The following CPA4 variants were observed in gnomAD, a reference collection of about 807,000 sequenced individuals.
CPA4 encodes carboxypeptidase A3.
In CPA4, 49 loss-of-function variants were observed where a neutral mutation model predicts 54.7. That is an observed-to-expected ratio of 0.90 (90% CI 0.71 to 1.14). The LOEUF is 1.14. Among genes scored for constraint, CPA4 ranks in the 50% most tolerant of loss-of-function variants. CPA4 has a pLI of 0.00. For synonymous variants in CPA4, 215 were observed against 206.8 expected, an observed-to-expected ratio of 1.04 and a Z score of -0.34; for missense variants, 487 against 525.1, an observed-to-expected ratio of 0.93 and a Z score of 0.71.
intron 10 of CPA4, among the ~76,000 whole-genome samples, chr7:130,322,223 G>A (rs1794118889): frequency 6.6e-6 from 1 of 152,160 alleles, no homozygotes; most frequent in East Asian, 1.9e-4. Flanking sequence ...TTGGTTTTGA[G>A]GGACTTACAG....
chr7:130,311,723 G>T (rs1451101526), intron 9 of CPA4, among the ~76,000 whole-genome samples: 1 of 152,024 alleles, frequency 6.6e-6, no homozygotes, highest in African/African-American at 2.4e-5. Context: ...ATTCCTAGTG[G>T]GTCAGTGAGC....
chr7:130,312,224 T>C, intron 10 of CPA4, 102 bp downstream of exon 10: 1 of 817,904 alleles, frequency 1.2e-6, no homozygotes, highest in Non-Finnish European at 2.1e-6. Context: ...TGTCATCTGA[T>C]TGTTTTTGTT....
chr7:130,310,719 T>G lies in CPA4; in HGVS notation c.794-68T>G. Reference sequence around the variant, plus strand: ...CCAATACCTTCGGCCCCTCTCTAGGTGGAGCGTCTTGCATTTCTGTGTTCT... The same window carrying G: ...CCAATACCTTCGGCCCCTCTCTAGGGGGAGCGTCTTGCATTTCTGTGTTCT... On this transcript the variant is annotated intron_variant, in intron 8 of 10. Coordinates refer to ENST00000222482, the MANE Select transcript of CPA4 (RefSeq NM_016352.4). The surrounding 1 kb of genome is among the most constrained non-coding windows in gnomAD (Gnocchi z 4.3). 2.0e-6 allele frequency: 3 copies of G among 1,466,868 alleles called. No individual in the cohort carries two copies. Among genetic ancestry groups the G allele is most frequent in the Non-Finnish European group, 2.9e-6 (3 of 1,048,890 alleles). 90.9% of individuals were successfully genotyped at this position (1,466,868 alleles called of 1,614,324 possible).
intron 1 of CPA4, among the ~76,000 whole-genome samples, chr7:130,296,482 G>A (rs1350641978): frequency 1.3e-5 from 2 of 152,124 alleles, no homozygotes; most frequent in African/African-American, 2.4e-5. Context: ...AAACTAAAAC[G>A]CATGTGTTGG....
chr7:130,308,529 G>A (rs1793862321), intron 8 of CPA4, 132 bp downstream of exon 8: 2 of 703,106 alleles, frequency 2.8e-6, no homozygotes, highest in Non-Finnish European at 5.2e-6. Flanking sequence ...AGACTGAGGA[G>A]CACTCCTTAG....
At chr7:130,295,547 C>A (rs1562927132) in intron 1 of CPA4, among the ~76,000 whole-genome samples, 2 of 152,210 alleles carry the variant, frequency 1.3e-5, no homozygotes. Flanking sequence ...ATGTGCTCCA[C>A]CATCTTGAGC....
rs906824803 is a variant in CPA4, at chr7:130,310,716, A to G, written c.794-71A>G. On this transcript the variant is annotated intron_variant, in intron 8 of 10. Coordinates refer to ENST00000222482, the MANE Select transcript of CPA4 (RefSeq NM_016352.4). The surrounding 1 kb of genome is among the most constrained non-coding windows in gnomAD (Gnocchi z 4.3). ...TTCCCAATACCTTCGGCCCCTCTCT[A>G]GGTGGAGCGTCTTGCATTTCTGTGT... 1 of 1,435,310 alleles carries G rather than the reference A, an allele frequency of 7.0e-7. No homozygotes were observed. The highest frequency in any genetic ancestry group is 9.8e-7 in the Non-Finnish European group (1 of 1,022,476). The allele number at this position is 1,435,310 out of a possible 1,614,324, so 88.9% of individuals were successfully genotyped here.
intron 1 of CPA4, chr7:130,293,464 C>A: frequency 1.9e-6 from 1 of 527,520 alleles, no homozygotes. Context: ...AGTCTCTCCC[C>A]AGCTCCCTCA....
At position 130,304,603 on chromosome 7, in the gene CPA4, G is replaced by C. The variant is rs753604619; in HGVS notation, c.486+24G>C. 36 of 1,376,240 alleles carry C rather than the reference G, an allele frequency of 2.6e-5. No individual in the cohort carries two copies. The Middle Eastern group carries it at 1.1e-3, about 41-fold the overall frequency. 85.3% of individuals were successfully genotyped at this position (1,376,240 alleles called of 1,614,324 possible). A position where few individuals can be genotyped will look rare whatever the true frequency, so the allele number is the denominator to read the frequency against. ...AGGTGAGGCCACATGCACTTGGAAG[G>C]GTCTCCTGGGTCCTCATGCCCAGGA... On this transcript the variant is annotated intron_variant, in intron 5 of 10. Coordinates refer to ENST00000222482, the MANE Select transcript of CPA4 (RefSeq NM_016352.4).
At chr7:130,313,636 A>G (rs1793946359) in intron 10 of CPA4, among the ~76,000 whole-genome samples, 1 of 151,748 alleles carries the variant, frequency 6.6e-6, no homozygotes, top group South Asian at 2.1e-4. Flanking sequence ...CAATCCAAGT[A>G]TAGAGGTTAC....
At position 130,310,132 on chromosome 7, in the gene CPA4, A is replaced by G. The variant is rs1424807639; in HGVS notation, c.794-655A>G. ...AAATACCACACAAACCATTGGGGGA[A>G]AATAATGACTGTGGGAAAGGAACTG... On this transcript the variant is annotated intron_variant, in intron 8 of 10. Coordinates refer to ENST00000222482, the MANE Select transcript of CPA4 (RefSeq NM_016352.4). The surrounding 1 kb of genome is among the most constrained non-coding windows in gnomAD (Gnocchi z 4.3). Among the ~76,000 whole-genome samples the G allele has an allele frequency of 6.6e-6, 1 of 152,182 alleles. No homozygotes were observed. The highest frequency in any genetic ancestry group is 1.5e-5 in the Non-Finnish European group (1 of 68,032).
Position 130,322,611 on chromosome 7 carries a change from A to G in CPA4, c.1201A>G (p.Thr401Ala), listed in dbSNP as rs750819185. Residue 401 changes from threonine to alanine, a missense_variant, in exon 11 of 11, where the codon ACT (threonine) becomes GCT (alanine). Physicochemically the swap from Thr to Ala is moderately conservative, Grantham distance 58. Coordinates refer to ENST00000222482, the MANE Select transcript of CPA4 (RefSeq NM_016352.4). ...CCTGCCAGCTAACCAGATCATCCCC[A>G]CTGCAGAGGAGACGTGGCTGGGGCT... ...FLLPANQIIP[T>A]AEETWLGLKT... The G allele has an allele frequency of 1.9e-6, 3 of 1,614,146 alleles. No homozygotes were observed. The South Asian group carries it at 3.3e-5, about 18-fold the overall frequency.
At chr7:130,316,909 C>A (rs1250536829) in intron 10 of CPA4, among the ~76,000 whole-genome samples, 569 of 124,646 alleles carry the variant, frequency 4.6e-3, no homozygotes, top group African/African-American at 6.4e-3. Context: ...AACTCTGTCT[C>A]AAAAAAAAAA....
intron 10 of CPA4, among the ~76,000 whole-genome samples, chr7:130,322,173 G>C (rs980478816): frequency 1.3e-5 from 2 of 152,136 alleles, no homozygotes; most frequent in Non-Finnish European, 2.9e-5. Context: ...AGTATCATTG[G>C]GGCTATCTTG....
intron 3 of CPA4, 46 bp from the exon 4 acceptor site, chr7:130,300,770 C>A: frequency 7.4e-7 from 1 of 1,359,272 alleles, no homozygotes; most frequent in Non-Finnish European, 1.1e-6. Flanking sequence ...AAACATAAAC[C>A]TGCGTCTGCA....
At chr7:130,313,964 T>C (rs2117157298) in intron 10 of CPA4, among the ~76,000 whole-genome samples, 1 of 152,214 alleles carries the variant, frequency 6.6e-6, no homozygotes, top group Middle Eastern at 3.4e-3. Flanking sequence ...CCCACTATGG[T>C]AGAGATATAG....
At chr7:130,296,361 G>T (rs773106600) in intron 1 of CPA4, among the ~76,000 whole-genome samples, 20 of 152,174 alleles carry the variant, frequency 1.3e-4, no homozygotes, top group Non-Finnish European at 2.1e-4. Flanking sequence ...GGATGAAATG[G>T]GTTTGTGGAT....
At chr7:130,308,283 T>C (rs1473014044) in intron 7 of CPA4, 24 bp from the exon 8 acceptor site, 21 of 1,602,936 alleles carry the variant, frequency 1.3e-5, no homozygotes, top group Non-Finnish European at 1.8e-5. Flanking sequence ...TGGTTGTTTG[T>C]CCCCTCCTTG....
chr7:130,301,526 G>A lies in CPA4; in HGVS notation c.384+612G>A, dbSNP rs3807346. On this transcript the variant is annotated intron_variant, in intron 4 of 10. Transcript: ENST00000222482. ...TAGAATAGAACTGTACCATGAATGC[G>A]GTACAGTTCTCTTACACCCCTCAGT... Among the ~76,000 whole-genome samples the A allele has an allele frequency of 4.0e-3, 610 of 152,120 alleles. 14 individuals carry two copies. The East Asian group carries it at 0.067, about 17-fold the overall frequency.
Sources: allele counts gnomAD v4.1 joint callset (sites outside exome capture counted in the v4.1 genomes callset), GRCh38; gene constraint gnomAD v4.1.1; non-coding constraint Gnocchi (gnomAD v3.1); transcripts MANE v1.5; gene names NCBI Gene and HGNC (gene_info 2026-07-23, HGNC 2026-07-21).